SNX18: variants seen among roughly 807,000 people sequenced by gnomAD.
SNX18 encodes the protein sorting nexin 18.
In SNX18, 35 loss-of-function variants were observed where a neutral mutation model predicts 48.7. The observed-to-expected ratio is 0.72, with a 90% CI of 0.55 to 0.95. SNX18 has a LOEUF of 0.95. Among genes scored for constraint, SNX18 ranks in the 40% least tolerant of loss-of-function variants. The pLI is 0.00. For missense variants in SNX18, 824 were observed against 871.0 expected (o/e 0.95, Z 0.68); for synonymous variants, 492 against 384.7 (o/e 1.28, Z -3.26).
At chr5:54,597,207 C>T in the SNX18 span, among the ~76,000 whole-genome samples, 3 of 152,146 alleles carry the variant, frequency 2.0e-5, no homozygotes, top group South Asian at 4.1e-4. Context: ...AATATATATG[C>T]ACCCAATACA....
At chr5:54,597,112 C>A in the SNX18 span, among the ~76,000 whole-genome samples, 1 of 152,142 alleles carries the variant, frequency 6.6e-6, no homozygotes, top group Non-Finnish European at 1.5e-5. Context: ...ATCCTAGTTT[C>A]TGACAAAATA....
At chr5:54,532,318 T>G (rs201946777) in intron 1 of SNX18, among the ~76,000 whole-genome samples, 2 of 67,334 alleles carry the variant, frequency 3.0e-5, no homozygotes, top group African/African-American at 1.1e-4. Flanking sequence ...TTTTTTTTTT[T>G]CTTTTTTTTT....
At chr5:54,520,193 C>G in intron 1 of SNX18, 1 of 215,752 alleles carries the variant, frequency 4.6e-6, no homozygotes, top group Non-Finnish European at 1.0e-5. Context: ...AAATTGAGAA[C>G]GTTGTTTAGG....
the SNX18 span, among the ~76,000 whole-genome samples, chr5:54,560,591 A>T: frequency 6.6e-6 from 1 of 152,222 alleles, no homozygotes; most frequent in African/African-American, 2.4e-5. Context: ...GTTTACCTAT[A>T]TGTAAATACC....
chr5:54,559,876 C>A, the SNX18 span, among the ~76,000 whole-genome samples: 1 of 152,002 alleles, frequency 6.6e-6, no homozygotes, highest in South Asian at 2.1e-4. Flanking sequence ...AAAAAAATAA[C>A]CCCATGAAAA....
the SNX18 span, among the ~76,000 whole-genome samples, chr5:54,576,744 C>T: frequency 0.037 from 5,628 of 152,106 alleles, 349 homozygotes; most frequent in African/African-American, 0.12. Context: ...GAAGGCCTGG[C>T]GTTTATTTGG....
At chr5:54,596,397 G>A in the SNX18 span, among the ~76,000 whole-genome samples, 1 of 152,170 alleles carries the variant, frequency 6.6e-6, no homozygotes, top group Non-Finnish European at 1.5e-5. Flanking sequence ...CCTAGGAGAG[G>A]CTGAGGCTTT....
At chr5:54,590,601 T>TCCCCAA in the SNX18 span, among the ~76,000 whole-genome samples, 186 of 152,238 alleles carry the variant, frequency 1.2e-3, no homozygotes, top group African/African-American at 3.2e-3. Context: ...TGACTAGCTC[T>TCCCCAA]CCCCAACCCC....
In SNX18 at chr5:54,517,810, G is replaced by C. The variant is rs544011535; in HGVS notation, c.-143G>C. On this transcript the variant is annotated 5_prime_UTR_variant, in exon 1 of 2. Coordinates refer to ENST00000381410, the MANE Select transcript of SNX18 (RefSeq NM_001102575.2). ...GCGAGCGGAGCCGCGCGGAGGGCGC[G>C]ACCGGCTGGTCCGGGCAGCGTGGGT... 1.2e-6 allele frequency: 1 copy of C among 826,166 alleles called. No homozygotes were observed. The highest frequency in any genetic ancestry group is 1.8e-5 in the African/African-American group (1 of 55,814). 51.2% of individuals were successfully genotyped at this position (826,166 alleles called of 1,614,324 possible).
chr5:54,616,611 T>C, the SNX18 span, among the ~76,000 whole-genome samples: 4 of 151,796 alleles, frequency 2.6e-5, no homozygotes, highest in African/African-American at 9.7e-5. Flanking sequence ...CTACTAAAAA[T>C]ACAAAAAATT....
the SNX18 span, among the ~76,000 whole-genome samples, chr5:54,566,804 A>T: frequency 6.6e-6 from 1 of 152,344 alleles, no homozygotes; most frequent in African/African-American, 2.4e-5. Flanking sequence ...CTAGGGACTC[A>T]TTACTGTGGA....
the SNX18 span, among the ~76,000 whole-genome samples, chr5:54,607,453 T>A: frequency 6.6e-6 from 1 of 152,242 alleles, no homozygotes. Flanking sequence ...GGTGTCATCA[T>A]TTGAACCATA....
intron 1 of SNX18, among the ~76,000 whole-genome samples, chr5:54,537,598 T>C (rs918998919): frequency 1.3e-5 from 2 of 152,204 alleles, no homozygotes; most frequent in African/African-American, 4.8e-5. Context: ...CTTCATTATA[T>C]AATTGCTCCC....
chr5:54,530,676 T>C (rs572551079), intron 1 of SNX18, among the ~76,000 whole-genome samples: 1 of 151,010 alleles, frequency 6.6e-6, no homozygotes, highest in African/African-American at 2.4e-5. Flanking sequence ...AAAAAGTATT[T>C]ACCTCAAAAA....
the SNX18 span, among the ~76,000 whole-genome samples, chr5:54,617,532 G>A: frequency 6.6e-6 from 1 of 152,174 alleles, no homozygotes; most frequent in African/African-American, 2.4e-5. Flanking sequence ...GTTCAACAGA[G>A]AATTGAAATA....
the SNX18 span, among the ~76,000 whole-genome samples, chr5:54,609,462 T>G: frequency 6.6e-6 from 1 of 152,134 alleles, no homozygotes; most frequent in Admixed American, 6.5e-5. Flanking sequence ...GGTATTCATT[T>G]TCTATTTATT....
chr5:54,526,203 C>T (rs1266056093), intron 1 of SNX18, among the ~76,000 whole-genome samples: 6 of 152,210 alleles, frequency 3.9e-5, no homozygotes, highest in African/African-American at 1.4e-4. Context: ...CTCGCGAGTT[C>T]AAATGATTCT....
At chr5:54,621,780 TG>T in the SNX18 span, among the ~76,000 whole-genome samples, 1 of 152,186 alleles carries the variant, frequency 6.6e-6, no homozygotes, top group Non-Finnish European at 1.5e-5. Context: ...ATGGGTGGGT[TG>T]AAGCCAGGAT....
At chr5:54,625,796 A>C in the SNX18 span, among the ~76,000 whole-genome samples, 1 of 152,136 alleles carries the variant, frequency 6.6e-6, no homozygotes, top group East Asian at 1.9e-4. Context: ...CATGATCCAA[A>C]CCTGGCCAAC....
Sources: gnomAD v4.1 joint callset for allele counts (sites outside exome capture counted in the v4.1 genomes callset) on GRCh38, gnomAD v4.1.1 for gene constraint, MANE v1.5 for transcripts, NCBI Gene and HGNC (gene_info 2026-07-23, HGNC 2026-07-21) for gene names.